Variants in RAB3GAP1 observed in about 807,000 individuals in gnomAD.
RAB3GAP1 encodes rab3 GTPase-activating protein catalytic subunit.
In RAB3GAP1, 86 loss-of-function variants were observed where a neutral mutation model predicts 130.7. The observed-to-expected ratio is 0.66, with a 90% CI of 0.55 to 0.79. The LOEUF is 0.79. Among genes scored for constraint, RAB3GAP1 ranks in the 30% least tolerant of loss-of-function variants. The probability of loss-of-function intolerance (pLI) is 0.00; values close to 1 mark genes in which losing one functional copy is unlikely to be tolerated. For synonymous variants in RAB3GAP1, 367 were observed against 401.7 expected (o/e 0.91, Z 1.03); for missense variants, 1,029 against 1,169.4 (o/e 0.88, Z 1.75).
chr2:135,102,331 CG>C (rs2104892909), intron 5 of RAB3GAP1, among the ~76,000 whole-genome samples: 1 of 152,272 alleles, frequency 6.6e-6, no homozygotes, highest in African/African-American at 2.4e-5. Flanking sequence ...TAGAGCATCC[CG>C]AAGGGACACA....
chr2:135,104,186 G>A (rs2104895970), intron 5 of RAB3GAP1, among the ~76,000 whole-genome samples: 1 of 152,320 alleles, frequency 6.6e-6, no homozygotes, highest in East Asian at 1.9e-4. Context: ...ATGGAATAGA[G>A]ATATCAGAGG....
Position 135,149,016 on chromosome 2 carries a change from A to G in RAB3GAP1, c.1924-1353A>G, listed in dbSNP as rs117658284. 2.4e-3 allele frequency among the ~76,000 whole-genome samples: 359 copies of G among 152,260 alleles called. 15 individuals are homozygous for G. The East Asian group carries it at 0.058, about 24-fold the overall frequency. On this transcript the variant is annotated intron_variant, in intron 17 of 23. Transcript: ENST00000264158. ...AAGAATGCTTTGGGCATATTCAGAA[A>G]CAGTATATGTGAAAATGTATGGCCC... is the stretch of plus-strand genomic sequence containing the variant.
intron 23 of RAB3GAP1, among the ~76,000 whole-genome samples, chr2:135,166,715 G>A (rs1027827276): frequency 2.0e-5 from 3 of 151,862 alleles, no homozygotes; most frequent in Admixed American, 1.3e-4. Flanking sequence ...TTAACATCTA[G>A]TATATACATA....
chr2:135,081,330 ATATATATATATATATAT>A (rs1689803220), intron 3 of RAB3GAP1, among the ~76,000 whole-genome samples: 2 of 75,506 alleles, frequency 2.6e-5, no homozygotes, highest in African/African-American at 1.6e-4. Context: ...AAAAAAAAAT[ATATATATATATATATAT>A]ATATATATAT....
intron 3 of RAB3GAP1, among the ~76,000 whole-genome samples, chr2:135,080,692 A>T (rs975467107): frequency 6.6e-6 from 1 of 152,122 alleles, no homozygotes; most frequent in African/African-American, 2.4e-5. Context: ...TTTGCTCAGG[A>T]TCTCTTCCTA....
Position 135,153,723 on chromosome 2 carries a change from G to C in RAB3GAP1, c.2136G>C (p.Val712=). The part of the protein sequence containing the change: ...YSPRDYIEEE[V]IDEKGNVVLK... ...CCCGGGATTATATTGAAGAGGAGGT[G>C]ATTGATGAAAAGGGCAATGTGGTGC... Residue 712 remains valine, a synonymous_variant, in exon 19 of 24, where the codon GTG becomes GTC. Coordinates refer to ENST00000264158, the MANE Select transcript of RAB3GAP1 (RefSeq NM_012233.3). 6.2e-7 allele frequency: 1 copy of C among 1,614,044 alleles called. No individual in the cohort carries two copies. Among genetic ancestry groups the C allele is most frequent in the Non-Finnish European group, 8.5e-7 (1 of 1,179,936 alleles).
At chr2:135,092,477 TC>T (rs1690170443) in intron 4 of RAB3GAP1, among the ~76,000 whole-genome samples, 1 of 152,152 alleles carries the variant, frequency 6.6e-6, no homozygotes, top group South Asian at 2.1e-4. Context: ...ACTCTTGTTG[TC>T]CAGGCTGTAG....
intron 3 of RAB3GAP1, among the ~76,000 whole-genome samples, chr2:135,065,214 A>G (rs1289585789): frequency 6.6e-6 from 1 of 152,264 alleles, no homozygotes; most frequent in East Asian, 1.9e-4. Flanking sequence ...CAGTAAAGCT[A>G]TATCTTTCTG....
In RAB3GAP1 at chr2:135,168,858, C is replaced by A. The variant is rs1692750270; in HGVS notation, c.*77C>A. On this transcript the variant is annotated 3_prime_UTR_variant, in exon 24 of 24. Coordinates refer to ENST00000264158, the MANE Select transcript of RAB3GAP1 (RefSeq NM_012233.3). ...GAGGGAGGGAAGGTACCAGGGAGAA[C>A]CTGGGAGGTCCTGGAGAGGGCCCTG... 1 of 1,276,274 alleles carries A rather than the reference C, an allele frequency of 7.8e-7. No individual in the cohort carries two copies. The highest frequency in any genetic ancestry group is 1.5e-5 in the African/African-American group (1 of 68,272). 79.1% of individuals were successfully genotyped at this position (1,276,274 alleles called of 1,614,324 possible).
At chr2:135,077,180 G>T (rs879362613) in intron 3 of RAB3GAP1, among the ~76,000 whole-genome samples, 1 of 152,002 alleles carries the variant, frequency 6.6e-6, no homozygotes, top group Non-Finnish European at 1.5e-5. Flanking sequence ...TGAGACAGGA[G>T]AATTGCTTGA....
intron 13 of RAB3GAP1, among the ~76,000 whole-genome samples, chr2:135,131,776 G>C (rs2104945265): frequency 6.6e-6 from 1 of 152,308 alleles, no homozygotes. Flanking sequence ...TTGTTGTGAG[G>C]ATTAAAGGAT....
chr2:135,141,228 C>CTTCTTTTT (rs767817881), intron 17 of RAB3GAP1, among the ~76,000 whole-genome samples: 19 of 132,460 alleles, frequency 1.4e-4, no homozygotes, highest in African/African-American at 4.5e-4. Context: ...TCACTTACTT[C>CTTCTTTTT]TTTTTTTTTT....
chr2:135,127,719 A>G (rs1183672938), intron 11 of RAB3GAP1, among the ~76,000 whole-genome samples: 1 of 152,162 alleles, frequency 6.6e-6, no homozygotes, highest in African/African-American at 2.4e-5. Context: ...ATTTTCTGAT[A>G]TGGGAAAAGA....
chr2:135,120,795 A>G, intron 7 of RAB3GAP1, 24 bp from the exon 8 acceptor site: 1 of 1,482,220 alleles, frequency 6.7e-7, no homozygotes, highest in Non-Finnish European at 9.4e-7. Context: ...TTTACACGGT[A>G]TTGTCTTTGC....
At chr2:135,105,208 CTCCCCCTCCCCCT>C (rs886399067) in intron 5 of RAB3GAP1, among the ~76,000 whole-genome samples, 1 of 111,260 alleles carries the variant, frequency 9.0e-6, no homozygotes, top group Non-Finnish European at 1.9e-5. Flanking sequence ...CCCCTTCCCT[CTCCCCCTCCCCCT>C]TCCCCCTCCC....
chr2:135,173,964 C>CT (rs1427669790), downstream of RAB3GAP1, among the ~76,000 whole-genome samples: 3 of 152,244 alleles, frequency 2.0e-5, no homozygotes, highest in African/African-American at 7.2e-5. Flanking sequence ...CATCATGAGA[C>CT]TAAGTTTGAG....
At chr2:135,068,177 C>G (rs1348422084) in intron 3 of RAB3GAP1, among the ~76,000 whole-genome samples, 1 of 152,016 alleles carries the variant, frequency 6.6e-6, no homozygotes, top group Non-Finnish European at 1.5e-5. Context: ...AAGCATAGCA[C>G]CTAGCTGGGG....
At chr2:135,079,611 G>A (rs1024950899) in intron 3 of RAB3GAP1, among the ~76,000 whole-genome samples, 8 of 152,062 alleles carry the variant, frequency 5.3e-5, no homozygotes, top group Admixed American at 1.3e-4. Context: ...CCAAATCCTC[G>A]TCTGTTCTTT....
At chr2:135,148,638 G>C (rs1208445419) in intron 17 of RAB3GAP1, among the ~76,000 whole-genome samples, 1 of 150,460 alleles carries the variant, frequency 6.6e-6, no homozygotes, top group African/African-American at 2.5e-5. Context: ...GAGATTACAG[G>C]TGTACACCAT....
Sources: gnomAD v4.1 joint callset for allele counts (sites outside exome capture counted in the v4.1 genomes callset) on GRCh38, gnomAD v4.1.1 for gene constraint, MANE v1.5 for transcripts, NCBI Gene and HGNC (gene_info 2026-07-23, HGNC 2026-07-21) for gene names.